The following GSTM3 variants were observed in gnomAD, a reference collection of about 807,000 sequenced individuals.
The protein encoded by GSTM3 is GST class-mu 3.
Under a neutral mutation model 36.1 loss-of-function variants are expected in GSTM3, and 34 were observed. That is an observed-to-expected ratio of 0.94 (90% CI 0.72 to 1.25). GSTM3 has a LOEUF of 1.25. Ranked by LOEUF, GSTM3 falls within the 50% of genes most tolerant of loss-of-function variation. GSTM3 has a pLI of 0.00. For missense variants in GSTM3, 266 were observed against 281.6 expected (o/e 0.94, Z 0.40); for synonymous variants, 102 against 99.5 (o/e 1.03, Z -0.15).
In GSTM3 at chr1:109,740,274, G is replaced by T; in HGVS notation, c.14C>A (p.Ser5Ter). 1 of 1,613,454 alleles carries T rather than the reference G, an allele frequency of 6.2e-7. No individual in the cohort carries two copies. Among genetic ancestry groups the T allele is most frequent in the Non-Finnish European group, 8.5e-7 (1 of 1,179,540 alleles). MSCE[S>*]SMVLGYWDIR... is the part of the protein sequence containing the mutation. Reference sequence around the variant, plus strand: ...ATCCCAGTACCCGAGAACCATAGACGACTCGCACGACATGGTGACGGGCTT... The same window carrying T: ...ATCCCAGTACCCGAGAACCATAGACTACTCGCACGACATGGTGACGGGCTT... Residue 5 changes from serine to a stop codon, truncating the protein, a stop_gained, in exon 2 of 9, where the codon TCG (serine) becomes TAG (stop). Coordinates refer to ENST00000361066, the MANE Select transcript of GSTM3 (RefSeq NM_000849.5). LOFTEE classifies it high-confidence loss of function.
chr1:109,737,231 G>C (rs879763976), intron 8 of GSTM3, 62 bp from the exon 9 acceptor site: 2 of 1,143,880 alleles, frequency 1.7e-6, no homozygotes, highest in Non-Finnish European at 2.7e-6. Context: ...ATGCATACCA[G>C]AACAGCAACA....
At position 109,740,292 on chromosome 1, in the gene GSTM3, A is replaced by G; in HGVS notation, c.-5T>C. On this transcript the variant is annotated 5_prime_UTR_variant, in exon 2 of 9. Transcript: ENST00000361066. ...CATAGACGACTCGCACGACATGGTG[A>G]CGGGCTTCCGAGCCTTCGAGGACTA... The G allele has an allele frequency of 6.2e-7, 1 of 1,613,060 alleles. No individual in the cohort carries two copies. Among genetic ancestry groups the G allele is most frequent in the Non-Finnish European group, 8.5e-7 (1 of 1,179,282 alleles).
rs1274809271 is a variant in GSTM3 at position 109,738,177 on chromosome 1, C to T, written c.286G>A (p.Glu96Lys). The change falls in exon 6 of 9, where the codon GAA becomes AAA. Residue 96 changes from glutamate to lysine, a missense_variant. Transcript: ENST00000361066. ...ATGATGTCCACTCGAATCTTTTCTT[C>T]TTCAGTCTCACCACCTGTAGGCCAA... ...RKHNMCGETE[E>K]EKIRVDIIEN... The T allele has an allele frequency of 1.9e-6, 3 of 1,613,172 alleles. No individual in the cohort carries two copies. In the Admixed American group the frequency reaches 5.0e-5, roughly 27 times the overall value.
rs910965589 is a variant in GSTM3, at chr1:109,734,511, C to T, written c.*2560G>A. 8.5e-5 allele frequency: 13 copies of T among 152,174 alleles called. 1 individual carries two copies. Among genetic ancestry groups the T allele is most frequent in the Admixed American group, 8.5e-4 (13 of 15,268 alleles). The allele number at this position is 152,174 out of a possible 1,614,324, so 9.4% of individuals were successfully genotyped here. On this transcript the variant is annotated 3_prime_UTR_variant, in exon 9 of 9. Coordinates refer to ENST00000361066, the MANE Select transcript of GSTM3 (RefSeq NM_000849.5). Reference sequence around the variant, plus strand: ...TACACAGCAATAAATAATGCATTCCCTTTTTGATTTCTGGTCATATCATCG... The same window carrying T: ...TACACAGCAATAAATAATGCATTCCTTTTTTGATTTCTGGTCATATCATCG...
Position 109,738,169 on chromosome 1 carries a change from C to A in GSTM3, c.294G>T (p.Lys98Asn). ...GGTTCTCTATGATGTCCACTCGAAT[C>A]TTTTCTTCTTCAGTCTCACCACCTG... Reference protein sequence around the residue: ...HNMCGETEEEKIRVDIIENQV... With the variant: ...HNMCGETEEENIRVDIIENQV... The change falls in exon 6 of 9, where the codon AAG becomes AAT. Residue 98 changes from lysine (K) to asparagine (N), a missense_variant. By Grantham distance (94) the Lys-to-Asn change is moderately conservative (BLOSUM62 0). Transcript: ENST00000361066. 6.2e-7 allele frequency: 1 copy of A among 1,613,718 alleles called. No homozygotes were observed. Among genetic ancestry groups the A allele is most frequent in the Non-Finnish European group, 8.5e-7 (1 of 1,179,564 alleles).
intron 2 of GSTM3, 114 bp downstream of exon 2, chr1:109,740,126 C>T (rs954224225): frequency 3.8e-6 from 4 of 1,055,670 alleles, no homozygotes; most frequent in Non-Finnish European, 4.3e-6. Flanking sequence ...GGCTCGGCAG[C>T]TCGAAAAGGC....
chr1:109,739,758 C>G (rs968997584), intron 3 of GSTM3, 75 bp downstream of exon 3: 43 of 1,184,314 alleles, frequency 3.6e-5, no homozygotes, highest in Admixed American at 8.1e-5. Context: ...CGCGACGCCA[C>G]CACCCTCTGG....
In GSTM3 at chr1:109,737,184, CACCAAATCTTATA is replaced by C; in HGVS notation, c.580-28_580-16del. On this transcript the variant is annotated splice_polypyrimidine_tract_variant and intron_variant, in intron 8 of 8. Transcript: ENST00000361066. The stretch of plus-strand genomic sequence containing the variant: ...TTCTCCAAAGCCTGAAAGGAAAATA[CACCAAATCTTATA>C]ACGACCCCAACCCAGTCCAACAGAT... 6.3e-7 allele frequency: 1 copy of C among 1,577,336 alleles called. No homozygotes were observed. Among genetic ancestry groups the C allele is most frequent in the Non-Finnish European group, 8.7e-7 (1 of 1,146,316 alleles).
rs375847086 is a variant in GSTM3, at chr1:109,737,582, A to C, written c.469-15T>G. The C allele has an allele frequency of 6.4e-7, 1 of 1,572,712 alleles. No homozygotes were observed. The highest frequency in any genetic ancestry group is 1.4e-5 in the African/African-American group (1 of 74,038). On this transcript the variant is annotated splice_polypyrimidine_tract_variant and intron_variant, in intron 7 of 8. Coordinates refer to ENST00000361066, the MANE Select transcript of GSTM3 (RefSeq NM_000849.5). ...ACAAAGGTGAGCTAGAAGAAAAGCAATAAGATGCTTAGGTCTGAGGAGTAG... is the reference window on the plus strand; with the variant it reads ...ACAAAGGTGAGCTAGAAGAAAAGCACTAAGATGCTTAGGTCTGAGGAGTAG...
At chr1:109,740,067 T>TC (rs1570664912) in intron 2 of GSTM3, 159 bp from the exon 3 acceptor site, 2 of 867,904 alleles carry the variant, frequency 2.3e-6, no homozygotes, top group East Asian at 5.3e-5. Context: ...CCTCCGCCCC[T>TC]CCCCACAGGG....
rs1649253863 is a variant in GSTM3, at chr1:109,737,977, A to G, written c.372+114T>C. On this transcript the variant is annotated intron_variant, in intron 6 of 8. Coordinates refer to ENST00000361066, the MANE Select transcript of GSTM3 (RefSeq NM_000849.5). ...ATAAGTTCTGTTTCTTATTCTAACAATCTGGATTGGTGGGAAGGTAGCAGC... is the reference window on the plus strand; with the variant it reads ...ATAAGTTCTGTTTCTTATTCTAACAGTCTGGATTGGTGGGAAGGTAGCAGC... 5 of 753,348 alleles carry G rather than the reference A, an allele frequency of 6.6e-6. No homozygotes were observed. In the Admixed American group the frequency reaches 6.8e-5, roughly 10 times the overall value. 46.7% of individuals were successfully genotyped at this position (753,348 alleles called of 1,614,324 possible). A position where few individuals can be genotyped will look rare whatever the true frequency, so the allele number is the denominator to read the frequency against.
At chr1:109,740,210 G>T (rs770909787) in intron 2 of GSTM3, 30 bp downstream of exon 2, 5 of 1,602,052 alleles carry the variant, frequency 3.1e-6, no homozygotes, top group Non-Finnish European at 4.3e-6. Flanking sequence ...CTCTTTGACC[G>T]AGCGGCTCTA....
At position 109,740,382 on chromosome 1, in the gene GSTM3, CCT is replaced by C; in HGVS notation, c.-97_-96del. ...GGGGGCGGGGCCCACGCGCGGGCGC[CCT>C]GACTCCGCCTCCGCCCCGTTCTCCG... On this transcript the variant is annotated 5_prime_UTR_variant, in exon 2 of 9. Transcript: ENST00000361066. The C allele has an allele frequency of 9.5e-7, 1 of 1,048,882 alleles. No individual in the cohort carries two copies. The allele number at this position is 1,048,882 out of a possible 1,614,324, so 65.0% of individuals were successfully genotyped here. A position where few individuals can be genotyped will look rare whatever the true frequency, so the allele number is the denominator to read the frequency against.
At chr1:109,738,044 C>T in intron 6 of GSTM3, 47 bp downstream of exon 6, 1 of 1,230,014 alleles carries the variant, frequency 8.1e-7, no homozygotes, top group Admixed American at 1.7e-5. Flanking sequence ...CCTAAATACC[C>T]CTTTTTCTGA....
intron 6 of GSTM3, 70 bp from the exon 7 acceptor site, chr1:109,737,821 T>C (rs1649249063): frequency 1.1e-6 from 1 of 941,928 alleles, no homozygotes; most frequent in Non-Finnish European, 1.7e-6. Flanking sequence ...AGGCCAGTGA[T>C]GGACACTTAG....
At chr1:109,738,957 A>G (rs1649289080) in intron 4 of GSTM3, among the ~76,000 whole-genome samples, 1 of 151,926 alleles carries the variant, frequency 6.6e-6, no homozygotes, top group African/African-American at 2.4e-5. Context: ...CCCGTCTCTT[A>G]CAAAAATACA....
In GSTM3 at chr1:109,737,734, C is replaced by A; in HGVS notation, c.390G>T (p.Gln130His). The A allele has an allele frequency of 6.3e-7, 1 of 1,594,512 alleles. No homozygotes were observed. The highest frequency in any genetic ancestry group is 8.6e-7 in the Non-Finnish European group (1 of 1,169,224). ...YSSDHEKLKP[Q>H]YLEELPGQLK... ...GTTGTCCAGGTAGCTCTTCCAAGTA[C>A]TGAGGCTTCAGTTTTTCCTGAGAGG... The change falls in exon 7 of 9, where the codon CAG (glutamine) becomes CAT (histidine). Residue 130 changes from glutamine (Q) to histidine (H), a missense_variant. By Grantham distance (24) the Gln-to-His change is conservative. Transcript: ENST00000361066.
chr1:109,739,168 A>T (rs1453136522), intron 4 of GSTM3, among the ~76,000 whole-genome samples: 1 of 152,226 alleles, frequency 6.6e-6, no homozygotes, highest in Non-Finnish European at 1.5e-5. Context: ...CCTGATTTCT[A>T]CTAGTGACAA....
Position 109,740,434 on chromosome 1 carries a change from G to T in GSTM3, c.-147C>A. ...GTCCCTTGCCTCCGCGGCTCCACAG[G>T]GCCGTGCGCAGGCGCGACTAATGCC... On this transcript the variant is annotated 5_prime_UTR_variant, in exon 2 of 9. Coordinates refer to ENST00000361066, the MANE Select transcript of GSTM3 (RefSeq NM_000849.5). The T allele has an allele frequency of 1.4e-6, 1 of 690,782 alleles. No individual in the cohort carries two copies. The highest frequency in any genetic ancestry group is 2.8e-5 in the Admixed American group (1 of 35,194). The allele number at this position is 690,782 out of a possible 1,614,324, so 42.8% of individuals were successfully genotyped here.
Sources: gnomAD v4.1 joint callset for allele counts (sites outside exome capture counted in the v4.1 genomes callset) on GRCh38, gnomAD v4.1.1 for gene constraint, MANE v1.5 for transcripts, NCBI Gene and HGNC (gene_info 2026-07-23, HGNC 2026-07-21) for gene names.